CELF2: variants seen among roughly 807,000 people sequenced by gnomAD.
CELF2 encodes the protein CUGBP Elav-like family member 2, also known as CUG triplet repeat RNA-binding protein 2.
A neutral mutation model predicts 62.6 loss-of-function variants in CELF2; 8 were observed. The ratio of observed to expected loss-of-function variants is 0.13; its 90% CI spans 0.07 to 0.23. CELF2 has a LOEUF of 0.23. Ranked by LOEUF, CELF2 falls within the 10% of genes least tolerant of loss-of-function variation. CELF2 has a pLI of 1.00. For missense variants in CELF2, 333 were observed against 671.0 expected (o/e 0.50, Z 5.56); for synonymous variants, 258 against 250.0 (o/e 1.03, Z -0.30).
intron 1 of CELF2, among the ~76,000 whole-genome samples, chr10:10,877,007 T>G (rs1413535426): frequency 1.3e-5 from 2 of 152,234 alleles, no homozygotes; most frequent in Admixed American, 1.3e-4. Flanking sequence ...TGCACTCCTC[T>G]AGAGTACTGG....
At chr10:11,208,084 C>T (rs1011184555) in intron 2 of CELF2, among the ~76,000 whole-genome samples, 1 of 152,090 alleles carries the variant, frequency 6.6e-6, no homozygotes, top group Non-Finnish European at 1.5e-5. Flanking sequence ...CTCATCGACT[C>T]GTGGTTGCTG....
the CELF2 span, among the ~76,000 whole-genome samples, chr10:10,762,257 T>A: frequency 6.6e-6 from 1 of 151,788 alleles, no homozygotes; most frequent in East Asian, 1.9e-4. Flanking sequence ...GGAGAAGAGT[T>A]CTACAGGAAG....
the CELF2 span, among the ~76,000 whole-genome samples, chr10:10,691,052 T>C: frequency 8.5e-3 from 1,289 of 152,256 alleles, 7 homozygotes; most frequent in African/African-American, 0.012. Flanking sequence ...CATGTGCACA[T>C]TGTGCAGGTT....
intron 2 of CELF2, among the ~76,000 whole-genome samples, chr10:11,193,494 A>C (rs2056581001): frequency 6.6e-6 from 1 of 152,214 alleles, no homozygotes; most frequent in Non-Finnish European, 1.5e-5. Flanking sequence ...CTGTACAATG[A>C]GACGTAACTG....
intron 2 of CELF2, among the ~76,000 whole-genome samples, chr10:10,941,298 C>A (rs528895383): frequency 2.0e-5 from 3 of 152,082 alleles, no homozygotes; most frequent in Non-Finnish European, 4.4e-5. Context: ...GGTCCTGATG[C>A]CATCCCCCTC....
At chr10:11,138,513 A>G (rs1564899410) in intron 1 of CELF2, among the ~76,000 whole-genome samples, 1 of 152,198 alleles carries the variant, frequency 6.6e-6, no homozygotes, top group African/African-American at 2.4e-5. Flanking sequence ...GTGTTTACAC[A>G]CCGACAGCTA....
chr10:11,197,059 A>AGG (rs1565233617), intron 2 of CELF2, among the ~76,000 whole-genome samples: 7 of 49,052 alleles, frequency 1.4e-4, no homozygotes, highest in African/African-American at 5.8e-4. Context: ...GAAAGAAAGA[A>AGG]AAGAAAGAAA....
chr10:10,800,264 T>C (rs988187230), intron 1 of CELF2, among the ~76,000 whole-genome samples: 2 of 152,262 alleles, frequency 1.3e-5, no homozygotes, highest in Non-Finnish European at 2.9e-5. Context: ...ATCTGCTGTT[T>C]CCAGCTAACA....
At chr10:10,739,430 C>T in the CELF2 span, among the ~76,000 whole-genome samples, 7 of 152,192 alleles carry the variant, frequency 4.6e-5, no homozygotes, top group African/African-American at 1.7e-4. Flanking sequence ...ACCATATATA[C>T]CATTTTTGGG....
chr10:10,597,731 C>T, the CELF2 span, among the ~76,000 whole-genome samples: 2 of 152,268 alleles, frequency 1.3e-5, no homozygotes, highest in Admixed American at 1.3e-4. Flanking sequence ...TTTCAAGTGC[C>T]CTGATCCCTT....
chr10:10,604,007 G>T, the CELF2 span, among the ~76,000 whole-genome samples: 4,242 of 152,162 alleles, frequency 0.028, 142 homozygotes, highest in Admixed American at 0.083. Context: ...TCAGCAGTTC[G>T]AGACCAGCCT....
intron 1 of CELF2, among the ~76,000 whole-genome samples, chr10:11,035,964 G>C (rs2060882297): frequency 6.6e-6 from 1 of 152,216 alleles, no homozygotes; most frequent in Non-Finnish European, 1.5e-5. Flanking sequence ...AGCAATGTTT[G>C]TGATCTCCAT....
chr10:10,750,139 G>T, the CELF2 span, among the ~76,000 whole-genome samples: 2 of 152,158 alleles, frequency 1.3e-5, no homozygotes, highest in Admixed American at 6.5e-5. Context: ...AAAATTAGCC[G>T]AGGGTGATGG....
rs72773971 is a variant in CELF2, at chr10:11,157,177, G to A, written c.75-8309G>A. 0.083 allele frequency among the ~76,000 whole-genome samples: 12,699 copies of A among 152,138 alleles called. 668 individuals carry two copies. The highest frequency in any genetic ancestry group is 0.14 in the African/African-American group (5,832 of 41,468). On this transcript the variant is annotated intron_variant, in intron 1 of 12. Transcript: ENST00000633077. The surrounding 1 kb of genome is among the most constrained non-coding windows in gnomAD (Gnocchi z 4.9). ...AAAGTCACCCATGCACATGACTGCC[G>A]TCGGCGCCAGGGTCTTTGCTGGTAC...
At chr10:11,129,753 T>G (rs1383885301) in intron 1 of CELF2, among the ~76,000 whole-genome samples, 2 of 152,216 alleles carry the variant, frequency 1.3e-5, no homozygotes, top group African/African-American at 4.8e-5. Flanking sequence ...TTGCGTCTAT[T>G]TGATTCTTCT....
At chr10:11,102,456 A>G (rs904971973) in intron 1 of CELF2, among the ~76,000 whole-genome samples, 2 of 152,238 alleles carry the variant, frequency 1.3e-5, no homozygotes, top group Admixed American at 6.5e-5. Flanking sequence ...TGCATATGCT[A>G]TTGAATCTTT....
chr10:11,115,210 C>T (rs17375100), intron 1 of CELF2, among the ~76,000 whole-genome samples: 8,446 of 152,268 alleles, frequency 0.055, 275 homozygotes, highest in Middle Eastern at 0.065. Flanking sequence ...ATTTTTTCAA[C>T]TTCGTTTGAT....
the CELF2 span, among the ~76,000 whole-genome samples, chr10:10,570,468 GT>G: frequency 6.6e-6 from 1 of 152,088 alleles, no homozygotes; most frequent in African/African-American, 2.4e-5. Flanking sequence ...TTATATAAAT[GT>G]TTAGGATGTT....
intron 1 of CELF2, among the ~76,000 whole-genome samples, chr10:10,848,517 GA>G (rs1387031563): frequency 6.6e-6 from 1 of 152,206 alleles, no homozygotes; most frequent in East Asian, 1.9e-4. Flanking sequence ...ATGGAATTAA[GA>G]CAGAAATCTT....
Sources: allele counts gnomAD v4.1 joint callset (sites outside exome capture counted in the v4.1 genomes callset), GRCh38; gene constraint gnomAD v4.1.1; non-coding constraint Gnocchi (gnomAD v3.1); transcripts MANE v1.5; gene names NCBI Gene and HGNC (gene_info 2026-07-23, HGNC 2026-07-21).